Variants in GRIK1 observed in about 807,000 individuals in gnomAD.
GRIK1 encodes glutamate ionotropic receptor kainate type subunit 1.
Under a neutral mutation model 105.7 loss-of-function variants are expected in GRIK1, and 69 were observed. That is an observed-to-expected ratio of 0.65 (90% CI 0.54 to 0.80). The LOEUF (loss-of-function observed/expected upper bound fraction) is 0.80. GRIK1 is among the 30% of genes least tolerant of loss of function. The pLI, the probability that GRIK1 is intolerant of heterozygous loss-of-function variation, is 0.00. For synonymous variants in GRIK1, 438 were observed against 431.3 expected, an observed-to-expected ratio of 1.02 and a Z score of -0.19; for missense variants, 1,109 against 1,167.3, an observed-to-expected ratio of 0.95 and a Z score of 0.73.
At chr21:29,912,349 C>T (rs2070847176) in intron 1 of GRIK1, among the ~76,000 whole-genome samples, 1 of 152,026 alleles carries the variant, frequency 6.6e-6, no homozygotes. Flanking sequence ...GAGATGTCAG[C>T]CCCAAGATAA....
intron 15 of GRIK1, among the ~76,000 whole-genome samples, chr21:29,560,687 C>A (rs113654820): frequency 6.6e-6 from 1 of 150,410 alleles, no homozygotes; most frequent in Non-Finnish European, 1.5e-5. Flanking sequence ...CTGCAACCTC[C>A]ACCTCCCGGG....
At chr21:29,737,778 T>A (rs2064829703) in intron 1 of GRIK1, among the ~76,000 whole-genome samples, 1 of 152,214 alleles carries the variant, frequency 6.6e-6, no homozygotes, top group Non-Finnish European at 1.5e-5. Flanking sequence ...TCTGGAAACA[T>A]GAAATAAAAT....
At chr21:29,605,313 G>T (rs968250351) in intron 7 of GRIK1, among the ~76,000 whole-genome samples, 24 of 152,222 alleles carry the variant, frequency 1.6e-4, no homozygotes, top group Non-Finnish European at 7.4e-5. Context: ...GAGCACATGC[G>T]GTGTTTGGGT....
At chr21:29,776,001 G>A (rs750449015) in intron 1 of GRIK1, among the ~76,000 whole-genome samples, 17 of 152,182 alleles carry the variant, frequency 1.1e-4, no homozygotes, top group Non-Finnish European at 1.6e-4. Context: ...CAATCATGGC[G>A]GAAGGTGAAG....
At chr21:29,832,656 G>C (rs111846227) in intron 1 of GRIK1, among the ~76,000 whole-genome samples, 1 of 152,168 alleles carries the variant, frequency 6.6e-6, no homozygotes, top group Non-Finnish European at 1.5e-5. Context: ...AGGGAACAGC[G>C]TTGTGAGGTT....
At chr21:29,590,451 A>C (rs2061316895) in intron 10 of GRIK1, among the ~76,000 whole-genome samples, 1 of 152,102 alleles carries the variant, frequency 6.6e-6, no homozygotes, top group African/African-American at 2.4e-5. Flanking sequence ...TGACCAGGGC[A>C]CTAATAGGAG....
chr21:29,917,156 G>A (rs1382466364), intron 1 of GRIK1, among the ~76,000 whole-genome samples: 3 of 151,954 alleles, frequency 2.0e-5, no homozygotes, highest in African/African-American at 7.2e-5. Context: ...AATGAAGACT[G>A]GATTTTAACA....
intron 1 of GRIK1, among the ~76,000 whole-genome samples, chr21:29,739,291 C>A (rs779665780): frequency 6.6e-6 from 1 of 152,084 alleles, no homozygotes; most frequent in Non-Finnish European, 1.5e-5. Flanking sequence ...AAACAGAAGA[C>A]ATTCTAGGGA....
At chr21:29,803,025 A>T (rs575548743) in intron 1 of GRIK1, among the ~76,000 whole-genome samples, 1 of 152,276 alleles carries the variant, frequency 6.6e-6, no homozygotes, top group South Asian at 2.1e-4. Context: ...GCAGACAGTG[A>T]AATTTTATTA....
At chr21:29,687,775 AC>A (rs2063511968) in intron 3 of GRIK1, among the ~76,000 whole-genome samples, 1 of 152,234 alleles carries the variant, frequency 6.6e-6, no homozygotes, top group Non-Finnish European at 1.5e-5. Flanking sequence ...TCATTTACTT[AC>A]TAATTATATT....
chr21:29,660,482 G>A (rs2062941579), intron 4 of GRIK1, among the ~76,000 whole-genome samples: 1 of 152,124 alleles, frequency 6.6e-6, no homozygotes, highest in South Asian at 2.1e-4. Context: ...TTCCTGGAAG[G>A]CAATGCAGAG....
At chr21:29,917,289 T>G (rs1341072513) in intron 1 of GRIK1, among the ~76,000 whole-genome samples, 1 of 152,028 alleles carries the variant, frequency 6.6e-6, no homozygotes, top group East Asian at 1.9e-4. Flanking sequence ...TGAAGCCCTG[T>G]GACTGAAATT....
At chr21:29,835,631 T>A (rs776338465) in intron 1 of GRIK1, among the ~76,000 whole-genome samples, 9 of 152,172 alleles carry the variant, frequency 5.9e-5, no homozygotes, top group South Asian at 2.1e-4. Context: ...GGAGGAATTC[T>A]GGGGCTTCAA....
intron 7 of GRIK1, among the ~76,000 whole-genome samples, chr21:29,637,181 T>A (rs2062413524): frequency 2.0e-5 from 3 of 152,118 alleles, no homozygotes; most frequent in Non-Finnish European, 4.4e-5. Context: ...ACCCAGAAAA[T>A]AACTAAGGAC....
chr21:29,593,820 C>G (rs1486567922), intron 9 of GRIK1, among the ~76,000 whole-genome samples: 2 of 152,314 alleles, frequency 1.3e-5, no homozygotes, highest in Admixed American at 6.5e-5. Context: ...CAATATCACT[C>G]TCTTGTAAAA....
intron 1 of GRIK1, among the ~76,000 whole-genome samples, chr21:29,850,661 C>G (rs2068276452): frequency 6.6e-6 from 1 of 152,198 alleles, no homozygotes; most frequent in Non-Finnish European, 1.5e-5. Flanking sequence ...CATCTGGACT[C>G]TGCCAGTTCC....
At chr21:29,738,972 T>C (rs75427132) in intron 1 of GRIK1, among the ~76,000 whole-genome samples, 8,969 of 152,314 alleles carry the variant, frequency 0.059, 300 homozygotes, top group African/African-American at 0.067. Flanking sequence ...GACATTTTCT[T>C]ATTTATGTAT....
intron 1 of GRIK1, among the ~76,000 whole-genome samples, chr21:29,881,462 C>G (rs2069406310): frequency 6.6e-6 from 1 of 152,060 alleles, no homozygotes; most frequent in East Asian, 1.9e-4. Context: ...GTCGCTTGCT[C>G]CAGACCACAC....
intron 12 of GRIK1, among the ~76,000 whole-genome samples, chr21:29,586,430 A>G (rs966982164): frequency 2.0e-5 from 3 of 152,206 alleles, no homozygotes; most frequent in East Asian, 1.9e-4. Flanking sequence ...ACAGTGGACA[A>G]TGACAAAGAG....
Sources: allele counts gnomAD v4.1 joint callset (sites outside exome capture counted in the v4.1 genomes callset), GRCh38; gene constraint gnomAD v4.1.1; transcripts MANE v1.5; gene names NCBI Gene and HGNC (gene_info 2026-07-23, HGNC 2026-07-21).